Variants in NSD1 observed in about 807,000 individuals in gnomAD.
NSD1 encodes histone-lysine N-methyltransferase, H3 lysine-36 specific.
In NSD1, 26 loss-of-function variants were observed where a neutral mutation model predicts 242.7. That is an observed-to-expected ratio of 0.11 (90% CI 0.08 to 0.15). NSD1 has a LOEUF of 0.15. NSD1 is among the 10% of genes least tolerant of loss of function. NSD1 has a pLI of 1.00. For missense variants in NSD1, 2,495 were observed against 3,272.8 expected (o/e 0.76, Z 5.80); for synonymous variants, 1,106 against 1,178.1 (o/e 0.94, Z 1.25).
intron 2 of NSD1, among the ~76,000 whole-genome samples, chr5:177,166,644 T>G (rs963884311): frequency 6.6e-6 from 1 of 152,114 alleles, no homozygotes; most frequent in Non-Finnish European, 1.5e-5. Context: ...ATGAATCCTT[T>G]GCCAGATCTG....
chr5:177,265,867 C>T, intron 14 of NSD1: 1 of 1,472,440 alleles, frequency 6.8e-7, no homozygotes, highest in South Asian at 1.1e-5. Flanking sequence ...CATTCTGCTT[C>T]ACTTGCAGGC....
At chr5:177,282,402 T>C (rs1758964991) in intron 18 of NSD1, 63 bp from the exon 19 acceptor site, 2 of 998,734 alleles carry the variant, frequency 2.0e-6, no homozygotes, top group Middle Eastern at 6.1e-4. Context: ...TTTAAAAAAA[T>C]GTATACATTT....
chr5:177,232,055 A>G (rs1290994954), intron 5 of NSD1, among the ~76,000 whole-genome samples: 1 of 152,078 alleles, frequency 6.6e-6, no homozygotes, highest in African/African-American at 2.4e-5. Flanking sequence ...GTGTGCCACC[A>G]CAGGCAGCTA....
intron 2 of NSD1, among the ~76,000 whole-genome samples, chr5:177,190,731 G>A (rs1272947857): frequency 2.7e-5 from 4 of 150,930 alleles, no homozygotes; most frequent in Non-Finnish European, 4.4e-5. Context: ...GTGCAGTGGC[G>A]CCATCTCGGC....
At chr5:177,221,702 C>T (rs1012885538) in intron 5 of NSD1, among the ~76,000 whole-genome samples, 6 of 152,142 alleles carry the variant, frequency 3.9e-5, no homozygotes, top group Admixed American at 6.5e-5. Context: ...AACTCCTGAC[C>T]TTATGATCCG....
chr5:177,202,532 C>T (rs900119731), intron 3 of NSD1, among the ~76,000 whole-genome samples: 1 of 152,086 alleles, frequency 6.6e-6, no homozygotes, highest in Admixed American at 6.6e-5. Context: ...GCACATGCCA[C>T]CATCCTCAGC....
chr5:177,281,810 G>A (rs1181520050), intron 18 of NSD1, among the ~76,000 whole-genome samples: 1 of 152,026 alleles, frequency 6.6e-6, no homozygotes, highest in Non-Finnish European at 1.5e-5. Flanking sequence ...GCATCACCAC[G>A]CCTGGCTAAT....
chr5:177,159,356 C>T (rs1431905810), intron 2 of NSD1, among the ~76,000 whole-genome samples: 4 of 151,568 alleles, frequency 2.6e-5, no homozygotes, highest in Middle Eastern at 3.4e-3. Flanking sequence ...AGTATCTTGG[C>T]TCCCTGTAAC....
At chr5:177,160,319 G>A (rs895988344) in intron 2 of NSD1, among the ~76,000 whole-genome samples, 1 of 150,286 alleles carries the variant, frequency 6.7e-6, no homozygotes, top group African/African-American at 2.5e-5. Flanking sequence ...TTTGTTTTTT[G>A]TTTTTGAGAC....
At chr5:177,175,316 T>G (rs1490861947) in intron 2 of NSD1, among the ~76,000 whole-genome samples, 1 of 152,158 alleles carries the variant, frequency 6.6e-6, no homozygotes, top group Non-Finnish European at 1.5e-5. Context: ...AAAATTTGAA[T>G]GCGTATATGT....
At chr5:177,266,499 C>T in intron 14 of NSD1, 2 of 622,214 alleles carry the variant, frequency 3.2e-6, no homozygotes, top group South Asian at 1.6e-5. Context: ...AATCTTTGGA[C>T]GTCATGCCCT....
At chr5:177,280,175 C>T (rs895311134) in intron 17 of NSD1, among the ~76,000 whole-genome samples, 1 of 150,922 alleles carries the variant, frequency 6.6e-6, no homozygotes. Context: ...GACGGGGTTT[C>T]ACCGTGTTAG....
intron 3 of NSD1, among the ~76,000 whole-genome samples, chr5:177,192,967 T>C (rs1482323941): frequency 6.6e-6 from 1 of 152,226 alleles, no homozygotes; most frequent in African/African-American, 2.4e-5. Flanking sequence ...TTTTTTATAA[T>C]ATAAAAGCTG....
chr5:177,136,042 T>C lies in NSD1; in HGVS notation c.927+12T>C. The C allele has an allele frequency of 6.2e-7, 1 of 1,605,310 alleles. No individual in the cohort carries two copies. Among genetic ancestry groups the C allele is most frequent in the Non-Finnish European group, 8.5e-7 (1 of 1,172,328 alleles). ...AGGAATTGCCATTTGTAAGCAGTTT[T>C]TGGTACAACTTAAATATATACATAT... On this transcript the variant is annotated intron_variant, in intron 2 of 22. Transcript: ENST00000439151.
At chr5:177,165,102 A>T (rs956298385) in intron 2 of NSD1, among the ~76,000 whole-genome samples, 1 of 152,182 alleles carries the variant, frequency 6.6e-6, no homozygotes, top group African/African-American at 2.4e-5. Flanking sequence ...CCTCATCTCC[A>T]CAAAAAATAA....
chr5:177,153,385 A>AT (rs553402439), intron 2 of NSD1, among the ~76,000 whole-genome samples: 74 of 147,200 alleles, frequency 5.0e-4, no homozygotes, highest in East Asian at 5.9e-4. Context: ...GATAGCACTG[A>AT]TTTTTTTTTT....
At chr5:177,263,327 C>A (rs1757140863) in intron 14 of NSD1, among the ~76,000 whole-genome samples, 1 of 152,154 alleles carries the variant, frequency 6.6e-6, no homozygotes, top group South Asian at 2.1e-4. Context: ...TATATTGTTT[C>A]TGTAGCCAAA....
At chr5:177,204,396 C>A in intron 4 of NSD1, 104 bp downstream of exon 4, 1 of 1,076,536 alleles carries the variant, frequency 9.3e-7, no homozygotes, top group Non-Finnish European at 1.4e-6. Flanking sequence ...CTCTGTTTCC[C>A]AGATTGGAGT....
intron 2 of NSD1, among the ~76,000 whole-genome samples, chr5:177,179,062 C>T (rs996640168): frequency 6.6e-6 from 1 of 152,136 alleles, no homozygotes; most frequent in African/African-American, 2.4e-5. Flanking sequence ...AAAGTATGAT[C>T]AAGTGCATGG....
Sources: gnomAD v4.1 joint callset for allele counts (sites outside exome capture counted in the v4.1 genomes callset) on GRCh38, gnomAD v4.1.1 for gene constraint, MANE v1.5 for transcripts, NCBI Gene and HGNC (gene_info 2026-07-23, HGNC 2026-07-21) for gene names.